Variants in PDE11A observed in about 807,000 individuals in gnomAD.
PDE11A encodes dual 3',5'-cyclic-AMP and -GMP phosphodiesterase 11A.
A neutral mutation model predicts 100.5 loss-of-function variants in PDE11A; 100 were observed. The ratio of observed to expected loss-of-function variants is 1.00; its 90% CI spans 0.85 to 1.18. The LOEUF is 1.18. Among genes scored for constraint, PDE11A ranks in the 50% most tolerant of loss-of-function variants. PDE11A has a pLI of 0.00. For synonymous variants in PDE11A, 381 were observed against 420.8 expected (o/e 0.91, Z 1.16); for missense variants, 1,141 against 1,152.6 (o/e 0.99, Z 0.15).
rs2080849613 is a variant in PDE11A at position 177,680,723 on chromosome 2, G to A, written c.2423+103C>T. ...ATGTTTTGAATGTAAGCTAAGATTT[G>A]TTACTTTAAAAATCACTTCTATGCT... On this transcript the variant is annotated intron_variant, in intron 16 of 19. Transcript: ENST00000286063. 9.2e-6 allele frequency: 6 copies of A among 651,346 alleles called. No individual in the cohort carries two copies. In the South Asian group the frequency reaches 1.1e-4, roughly 12 times the overall value. The allele number at this position is 651,346 out of a possible 1,614,324, so 40.3% of individuals were successfully genotyped here.
At chr2:177,798,234 A>G (rs1463986435) in intron 9 of PDE11A, among the ~76,000 whole-genome samples, 1 of 152,190 alleles carries the variant, frequency 6.6e-6, no homozygotes, top group Non-Finnish European at 1.5e-5. Flanking sequence ...CTGACTTTGA[A>G]CAAGATGCCC....
intron 4 of PDE11A, among the ~76,000 whole-genome samples, chr2:177,881,061 A>G (rs2084325579): frequency 6.6e-6 from 1 of 152,172 alleles, no homozygotes; most frequent in Admixed American, 6.5e-5. Context: ...GTCCTGAGCA[A>G]TGTGGGTGGG....
intron 2 of PDE11A, among the ~76,000 whole-genome samples, chr2:177,981,725 A>T (rs978034399): frequency 1.3e-5 from 2 of 150,908 alleles, no homozygotes; most frequent in Non-Finnish European, 3.0e-5. Context: ...CCCTATAACA[A>T]TTATTTATGA....
intron 19 of PDE11A, among the ~76,000 whole-genome samples, chr2:177,655,547 T>G (rs937356093): frequency 1.3e-5 from 2 of 151,090 alleles, no homozygotes; most frequent in Non-Finnish European, 2.9e-5. Context: ...CTTTCTTTCT[T>G]TTTTTTAAAG....
At chr2:177,793,772 A>C (rs1170469819) in intron 9 of PDE11A, among the ~76,000 whole-genome samples, 3 of 152,150 alleles carry the variant, frequency 2.0e-5, no homozygotes, top group Non-Finnish European at 4.4e-5. Context: ...CTGCGGCAGT[A>C]CAGGGATCAG....
intron 14 of PDE11A, among the ~76,000 whole-genome samples, chr2:177,699,173 A>G (rs2081160731): frequency 6.6e-6 from 1 of 152,202 alleles, no homozygotes; most frequent in Admixed American, 6.5e-5. Flanking sequence ...ACTAGATGAT[A>G]CAGCCTACTG....
chr2:178,104,539 G>A, intron 1 of PDE11A: 3 of 1,381,200 alleles, frequency 2.2e-6, no homozygotes, highest in East Asian at 4.7e-5. Context: ...CAAAGCCGGG[G>A]AGAAAAAAGA....
upstream of PDE11A, among the ~76,000 whole-genome samples, chr2:178,077,070 T>C (rs1271198005): frequency 6.6e-6 from 1 of 152,130 alleles, no homozygotes; most frequent in African/African-American, 2.4e-5. Context: ...CAAGAGCCTA[T>C]CAAGCCTATA....
chr2:177,640,233 T>C (rs1163776687), intron 19 of PDE11A, among the ~76,000 whole-genome samples: 2 of 152,210 alleles, frequency 1.3e-5, no homozygotes, highest in African/African-American at 4.8e-5. Flanking sequence ...TTGGAACTTA[T>C]CTTACGTATC....
At position 177,694,541 on chromosome 2, in the gene PDE11A, G is replaced by C. The variant is rs370594265; in HGVS notation, c.2345+2791C>G. Among the ~76,000 whole-genome samples, 4 of 152,264 alleles carry C rather than the reference G, an allele frequency of 2.6e-5. 1 individual carries two copies. The South Asian group carries it at 8.3e-4, about 32-fold the overall frequency. On this transcript the variant is annotated intron_variant, in intron 15 of 19. Coordinates refer to ENST00000286063, the MANE Select transcript of PDE11A (RefSeq NM_016953.4). ...GTAGATGTCACCATTTCTAAGACAT[G>C]ACATAGGTACTGTTATCTCCATTTT... is the stretch of plus-strand genomic sequence containing the variant.
chr2:177,790,979 A>C (rs181221562), intron 9 of PDE11A, among the ~76,000 whole-genome samples: 3 of 152,186 alleles, frequency 2.0e-5, no homozygotes, highest in Non-Finnish European at 4.4e-5. Context: ...GTCAGTGTGG[A>C]GATTCCTCAG....
intron 2 of PDE11A, among the ~76,000 whole-genome samples, chr2:178,004,182 G>A (rs114049668): frequency 6.6e-6 from 1 of 151,792 alleles, no homozygotes; most frequent in East Asian, 1.9e-4. Context: ...TTAGGATTAC[G>A]GGTGATACTA....
intron 15 of PDE11A, among the ~76,000 whole-genome samples, chr2:177,690,261 C>A (rs571841646): frequency 3.9e-4 from 60 of 152,150 alleles, no homozygotes; most frequent in Admixed American, 1.3e-3. Flanking sequence ...TGAGTTAAGT[C>A]ATCAGGCTCT....
At chr2:177,814,365 C>T (rs2083003551) in intron 9 of PDE11A, among the ~76,000 whole-genome samples, 1 of 151,986 alleles carries the variant, frequency 6.6e-6, no homozygotes, top group South Asian at 2.1e-4. Flanking sequence ...CAAAAAATCA[C>T]TTTTTGTCTT....
intron 9 of PDE11A, among the ~76,000 whole-genome samples, chr2:177,788,443 T>C (rs1393996705): frequency 1.3e-5 from 2 of 150,774 alleles, no homozygotes; most frequent in Admixed American, 6.6e-5. Context: ...GGGGGAAAGA[T>C]CCAAAATTAA....
chr2:177,721,952 T>A (rs927077171), intron 12 of PDE11A, among the ~76,000 whole-genome samples: 1 of 152,050 alleles, frequency 6.6e-6, no homozygotes, highest in African/African-American at 2.4e-5. Context: ...AGGTGCCAGG[T>A]TTCAGTCCCA....
intron 5 of PDE11A, among the ~76,000 whole-genome samples, chr2:177,861,490 A>G (rs2083945027): frequency 6.6e-6 from 1 of 151,868 alleles, no homozygotes; most frequent in Admixed American, 6.6e-5. Flanking sequence ...TAAGATTGCA[A>G]TACTCTCCAA....
chr2:177,672,127 A>G (rs768584687), intron 17 of PDE11A, among the ~76,000 whole-genome samples: 16 of 152,154 alleles, frequency 1.1e-4, no homozygotes, highest in Non-Finnish European at 2.1e-4. Flanking sequence ...CAACTCTCCC[A>G]GAAGGGAGGC....
At chr2:177,727,978 A>G (rs1157724013) in intron 11 of PDE11A, 48 bp downstream of exon 11, 4 of 1,557,142 alleles carry the variant, frequency 2.6e-6, no homozygotes, top group Non-Finnish European at 3.5e-6. Flanking sequence ...AGTGGCTAAC[A>G]CGTTGTCCCA....
Sources: allele counts gnomAD v4.1 joint callset (sites outside exome capture counted in the v4.1 genomes callset), GRCh38; gene constraint gnomAD v4.1.1; transcripts MANE v1.5; gene names NCBI Gene and HGNC (gene_info 2026-07-23, HGNC 2026-07-21).